FHIT: variants seen among roughly 807,000 people sequenced by gnomAD.
FHIT encodes the protein bis(5'-adenosyl)-triphosphatase.
A neutral mutation model predicts 17.9 loss-of-function variants in FHIT; 19 were observed. The ratio of observed to expected loss-of-function variants is 1.06; its 90% confidence interval spans 0.74 to 1.56. The LOEUF (loss-of-function observed/expected upper bound fraction) is 1.56, where lower values mean the gene tolerates loss of function less well. FHIT is among the 40% of genes most tolerant of loss of function. The pLI is 0.00. For missense variants in FHIT, 248 were observed against 189.2 expected, an observed-to-expected ratio of 1.31 and a Z score of -1.82; for synonymous variants, 81 against 69.7, an observed-to-expected ratio of 1.16 and a Z score of -0.81.
At chr3:59,922,794 T>G (rs996784605) in intron 7 of FHIT, among the ~76,000 whole-genome samples, 1 of 152,136 alleles carries the variant, frequency 6.6e-6, no homozygotes, top group African/African-American at 2.4e-5. Flanking sequence ...GAGAACTGCA[T>G]AAGTAAAGAG....
intron 4 of FHIT, among the ~76,000 whole-genome samples, chr3:60,582,315 G>GA: frequency 6.6e-6 from 1 of 152,220 alleles, no homozygotes; most frequent in Admixed American, 6.5e-5. Flanking sequence ...ATTGATGAAT[G>GA]CCCTCGTCAG....
In FHIT at chr3:61,200,671, A is replaced by C. The variant is rs2038984183; in HGVS notation, c.-212-6T>G. ...TTCTTTCCTGAGCTTCAAAGCTACA[A>C]AGACATAAAAATGAAAGACAGAGTT... is the stretch of plus-strand genomic sequence containing the variant. On this transcript the variant is annotated splice_polypyrimidine_tract_variant and splice_region_variant and intron_variant, in intron 1 of 9. Coordinates refer to ENST00000492590, the MANE Select transcript of FHIT (RefSeq NM_002012.4). The C allele has an allele frequency of 6.6e-6, 1 of 152,664 alleles. No individual in the cohort carries two copies. The allele number at this position is 152,664 out of a possible 1,614,324, so 9.5% of individuals were successfully genotyped here.
rs116353885 is a variant in FHIT at position 60,116,198 on chromosome 3, A to G, written c.104-102046T>C. ...TGACATTAGGAGAACTTCTGGAGAA[A>G]GAGACACATGTTGGTACAAAGGCTG... On this transcript the variant is annotated intron_variant, in intron 5 of 9. Coordinates refer to ENST00000492590, the MANE Select transcript of FHIT (RefSeq NM_002012.4). 6.4e-3 allele frequency among the ~76,000 whole-genome samples: 979 copies of G among 152,336 alleles called. 6 individuals are homozygous for G. The highest frequency in any genetic ancestry group is 9.4e-3 in the Non-Finnish European group (641 of 68,036).
intron 5 of FHIT, among the ~76,000 whole-genome samples, chr3:60,195,764 G>A (rs963916115): frequency 3.3e-5 from 5 of 150,428 alleles, no homozygotes; most frequent in South Asian, 2.1e-4. Context: ...TCTAAGTGAC[G>A]TAACTCAGGA....
At chr3:60,995,665 C>G (rs2030621721) in intron 3 of FHIT, among the ~76,000 whole-genome samples, 1 of 152,178 alleles carries the variant, frequency 6.6e-6, no homozygotes, top group African/African-American at 2.4e-5. Flanking sequence ...AGGTGCTACT[C>G]CGGCTATTAT....
chr3:61,091,493 T>C (rs1482464666), intron 2 of FHIT, among the ~76,000 whole-genome samples: 1 of 152,190 alleles, frequency 6.6e-6, no homozygotes, highest in Non-Finnish European at 1.5e-5. Context: ...CTACTCGTCC[T>C]CATCATCACC....
chr3:60,472,400 G>T (rs1211448612), intron 5 of FHIT, among the ~76,000 whole-genome samples: 5 of 123,758 alleles, frequency 4.0e-5, no homozygotes, highest in Admixed American at 9.0e-5. Context: ...ACGAAGTCTT[G>T]CTTTGTTGCC....
Position 60,689,184 on chromosome 3 carries a change from C to T in FHIT, c.-18+132735G>A, listed in dbSNP as rs189564750. On this transcript the variant is annotated intron_variant, in intron 4 of 9. Coordinates refer to ENST00000492590, the MANE Select transcript of FHIT (RefSeq NM_002012.4). ...TCCACATAAGATGTGACTTGCTCCT[C>T]CTTGCCTTTCACCTTCTGCCATGAT... 8.3e-4 allele frequency among the ~76,000 whole-genome samples: 127 copies of T among 152,292 alleles called. 1 individual carries two copies. Among genetic ancestry groups the T allele is most frequent in the Middle Eastern group, 3.4e-3 (1 of 294 alleles).
chr3:60,296,778 T>G (rs565719859), intron 5 of FHIT, among the ~76,000 whole-genome samples: 1 of 152,088 alleles, frequency 6.6e-6, no homozygotes. Context: ...AGTTTTATTT[T>G]CTAAAAGTGT....
intron 3 of FHIT, among the ~76,000 whole-genome samples, chr3:60,961,019 C>T (rs1307252936): frequency 2.6e-5 from 4 of 152,212 alleles, no homozygotes; most frequent in African/African-American, 9.6e-5. Context: ...CTGTCTTCCA[C>T]AATGGTTGAA....
At chr3:61,133,218 C>T (rs2036817039) in intron 2 of FHIT, among the ~76,000 whole-genome samples, 1 of 150,528 alleles carries the variant, frequency 6.6e-6, no homozygotes. Flanking sequence ...GTTTATAATG[C>T]TATATTTCTG....
chr3:60,031,759 G>C (rs1179598950), intron 5 of FHIT, among the ~76,000 whole-genome samples: 1 of 152,022 alleles, frequency 6.6e-6, no homozygotes, highest in Non-Finnish European at 1.5e-5. Flanking sequence ...TTAACCTGGG[G>C]GTCCCACAGA....
chr3:59,911,121 C>T (rs531674891), intron 8 of FHIT, among the ~76,000 whole-genome samples: 2 of 152,262 alleles, frequency 1.3e-5, no homozygotes, highest in East Asian at 3.9e-4. Flanking sequence ...TATTTGTGTA[C>T]AGTGTTATAT....
intron 5 of FHIT, among the ~76,000 whole-genome samples, chr3:60,325,614 C>T (rs189896590): frequency 6.6e-6 from 1 of 152,166 alleles, no homozygotes; most frequent in Non-Finnish European, 1.5e-5. Context: ...TTTAATCTAA[C>T]AGGTTTTAGT....
At chr3:61,238,749 A>G (rs1298884214) in intron 1 of FHIT, among the ~76,000 whole-genome samples, 5 of 152,208 alleles carry the variant, frequency 3.3e-5, no homozygotes, top group African/African-American at 4.8e-5. Context: ...TGATTCTAAC[A>G]TATAAAAATT....
At chr3:60,626,312 T>G (rs1349234103) in intron 4 of FHIT, among the ~76,000 whole-genome samples, 1 of 152,224 alleles carries the variant, frequency 6.6e-6, no homozygotes, top group Non-Finnish European at 1.5e-5. Context: ...CACTCAACAA[T>G]TTTTGGCACT....
chr3:59,793,876 T>G (rs1699670070), intron 8 of FHIT, among the ~76,000 whole-genome samples: 1 of 152,106 alleles, frequency 6.6e-6, no homozygotes, highest in South Asian at 2.1e-4. Context: ...GTTGTCATTT[T>G]CTCCTCACTG....
intron 5 of FHIT, among the ~76,000 whole-genome samples, chr3:60,448,124 C>T (rs568213520): frequency 6.6e-6 from 1 of 152,128 alleles, no homozygotes; most frequent in East Asian, 1.9e-4. Context: ...ACCTCAATTG[C>T]TCTCGGATTA....
At chr3:60,050,800 G>A (rs1701840665) in intron 5 of FHIT, among the ~76,000 whole-genome samples, 1 of 152,166 alleles carries the variant, frequency 6.6e-6, no homozygotes, top group Non-Finnish European at 1.5e-5. Context: ...CATGGCACCT[G>A]AGAGCTGGGA....
Sources: allele counts gnomAD v4.1 joint callset (sites outside exome capture counted in the v4.1 genomes callset), GRCh38; gene constraint gnomAD v4.1.1; transcripts MANE v1.5; gene names NCBI Gene and HGNC (gene_info 2026-07-23, HGNC 2026-07-21).